The following AKAP13 variants were observed in gnomAD, a reference collection of about 807,000 sequenced individuals.
AKAP13 encodes the protein A-kinase anchor protein 13.
Under a neutral mutation model 264.5 loss-of-function variants are expected in AKAP13, and 80 were observed. The ratio of observed to expected loss-of-function variants is 0.30; its 90% CI spans 0.25 to 0.36. The LOEUF (loss-of-function observed/expected upper bound fraction) is 0.36. Among genes scored for constraint, AKAP13 ranks in the 10% least tolerant of loss-of-function variants. AKAP13 has a pLI of 1.00. For missense variants in AKAP13, 3,712 were observed against 3,435.2 expected, an observed-to-expected ratio of 1.08 and a Z score of -2.01; for synonymous variants, 1,380 against 1,250.2, an observed-to-expected ratio of 1.10 and a Z score of -2.19.
At chr15:85,641,479 A>C (rs1394658914) in intron 9 of AKAP13, among the ~76,000 whole-genome samples, 1 of 142,764 alleles carries the variant, frequency 7.0e-6, no homozygotes, top group Admixed American at 7.0e-5. Context: ...TAAATAAATA[A>C]ATAAATAAAT....
chr15:85,442,499 T>A (rs1215352615), intron 1 of AKAP13, among the ~76,000 whole-genome samples: 2 of 107,120 alleles, frequency 1.9e-5, no homozygotes, highest in Admixed American at 9.9e-5. Flanking sequence ...TAATATATAT[T>A]ATATTATATA....
At chr15:85,538,402 C>T (rs1400170546) in intron 4 of AKAP13, among the ~76,000 whole-genome samples, 3 of 152,082 alleles carry the variant, frequency 2.0e-5, no homozygotes, top group Non-Finnish European at 4.4e-5. Flanking sequence ...CAATTCTATA[C>T]ATCTGATATT....
At chr15:85,662,723 G>A (rs2151542557) in intron 12 of AKAP13, among the ~76,000 whole-genome samples, 1 of 152,280 alleles carries the variant, frequency 6.6e-6, no homozygotes, top group South Asian at 2.1e-4. Context: ...GTTTTGGTTT[G>A]TCTTGATTTT....
chr15:85,656,580 G>A (rs574894808), intron 11 of AKAP13, among the ~76,000 whole-genome samples: 3 of 152,248 alleles, frequency 2.0e-5, no homozygotes, highest in African/African-American at 7.2e-5. Flanking sequence ...CCAAGTAGCT[G>A]GGACTACAGG....
intron 1 of AKAP13, among the ~76,000 whole-genome samples, chr15:85,404,262 A>C (rs1596061623): frequency 6.6e-6 from 1 of 152,138 alleles, no homozygotes; most frequent in East Asian, 1.9e-4. Context: ...ATGTTTTGTC[A>C]GTTTATTCTT....
At chr15:85,429,022 A>G (rs1416445366) in intron 1 of AKAP13, among the ~76,000 whole-genome samples, 2 of 152,222 alleles carry the variant, frequency 1.3e-5, no homozygotes, top group Non-Finnish European at 2.9e-5. Flanking sequence ...ACTGTGGTAC[A>G]TGCATAAAGT....
intron 1 of AKAP13, among the ~76,000 whole-genome samples, chr15:85,386,264 G>C (rs2070555880): frequency 6.6e-6 from 1 of 151,866 alleles, no homozygotes; most frequent in Non-Finnish European, 1.5e-5. Flanking sequence ...TAACTTAAGA[G>C]CTCAAAGACT....
chr15:85,504,231 T>A (rs2076121423), intron 2 of AKAP13, among the ~76,000 whole-genome samples: 2 of 152,052 alleles, frequency 1.3e-5, no homozygotes, highest in Admixed American at 1.3e-4. Context: ...ACCTTTTCAA[T>A]CAGCAACAAA....
At chr15:85,621,484 G>A (rs2081182262) in intron 8 of AKAP13, 1 of 152,146 alleles carries the variant, frequency 6.6e-6, no homozygotes, top group Non-Finnish European at 1.5e-5. Flanking sequence ...TCATTTTTAG[G>A]ATCTTTATGT....
At chr15:85,433,180 T>C (rs547486967) in intron 1 of AKAP13, among the ~76,000 whole-genome samples, 2 of 151,022 alleles carry the variant, frequency 1.3e-5, no homozygotes, top group South Asian at 4.2e-4. Flanking sequence ...TTTTGTTCTT[T>C]GGAGCTATCC....
Position 85,539,211 on chromosome 15 carries a change from T to C in AKAP13, c.479-4561T>C, listed in dbSNP as rs184621310. On this transcript the variant is annotated intron_variant, in intron 4 of 36. Transcript: ENST00000394518. ...TTTAAAACTGCTAGTGGTTTTTTTT[T>C]CCCCTTGGCAGAAGATTAATATTTA... Among the ~76,000 whole-genome samples, 724 of 152,274 alleles carry C rather than the reference T, an allele frequency of 4.8e-3. 5 individuals carry two copies. The highest frequency in any genetic ancestry group is 0.016 in the African/African-American group (679 of 41,556).
chr15:85,707,671 T>G (rs1255565420), intron 17 of AKAP13, among the ~76,000 whole-genome samples: 1 of 152,208 alleles, frequency 6.6e-6, no homozygotes, highest in East Asian at 1.9e-4. Flanking sequence ...TAGTTTTTGT[T>G]GATTAGAAAT....
intron 3 of AKAP13, among the ~76,000 whole-genome samples, chr15:85,530,042 T>C (rs188259911): frequency 9.2e-5 from 14 of 152,318 alleles, no homozygotes; most frequent in Non-Finnish European, 1.8e-4. Flanking sequence ...TTCTCGGTTA[T>C]ACAGTTTGAT....
intron 1 of AKAP13, among the ~76,000 whole-genome samples, chr15:85,441,016 C>G (rs960850886): frequency 6.6e-6 from 1 of 152,144 alleles, no homozygotes; most frequent in African/African-American, 2.4e-5. Context: ...TGGTGTCATT[C>G]GAAGGTTTAC....
At chr15:85,399,527 A>AAAAAAAAAAAATAAATAAAT (rs1567038675) in intron 1 of AKAP13, among the ~76,000 whole-genome samples, 8 of 114,772 alleles carry the variant, frequency 7.0e-5, no homozygotes, top group South Asian at 4.9e-4. Flanking sequence ...AAAAAATAAA[A>AAAAAAAAAAAATAAATAAAT]AAATAAAAAA....
chr15:85,439,065 C>G (rs1163364857), intron 1 of AKAP13, among the ~76,000 whole-genome samples: 29 of 151,160 alleles, frequency 1.9e-4, no homozygotes, highest in African/African-American at 5.8e-4. Context: ...TCGCAACCTA[C>G]TCATCTGACA....
chr15:85,543,548 A>G (rs1464071081), intron 4 of AKAP13, among the ~76,000 whole-genome samples: 2 of 151,994 alleles, frequency 1.3e-5, no homozygotes, highest in East Asian at 1.9e-4. Context: ...TCGATTGAAG[A>G]TTTTGCTTCC....
chr15:85,620,163 A>G, intron 8 of AKAP13: 3 of 1,536,028 alleles, frequency 2.0e-6, no homozygotes, highest in Non-Finnish European at 2.6e-6. Context: ...TGGACGTGGT[A>G]TTGCTGAAGG....
chr15:85,650,522 G>A (rs992581204), intron 10 of AKAP13, among the ~76,000 whole-genome samples: 1 of 151,696 alleles, frequency 6.6e-6, no homozygotes, highest in African/African-American at 2.4e-5. Flanking sequence ...TTGAGAGGCC[G>A]AGGCAGGCGG....
Sources: allele counts gnomAD v4.1 joint callset (sites outside exome capture counted in the v4.1 genomes callset), GRCh38; gene constraint gnomAD v4.1.1; transcripts MANE v1.5; gene names NCBI Gene and HGNC (gene_info 2026-07-23, HGNC 2026-07-21).